Variants in OCA2 observed in about 807,000 individuals in gnomAD.
The protein encoded by OCA2 is OCA2 melanosomal transmembrane protein, also known as P protein.
Under a neutral mutation model 100.2 loss-of-function variants are expected in OCA2, and 77 were observed. The ratio of observed to expected loss-of-function variants is 0.77; its 90% CI spans 0.64 to 0.93. The LOEUF (loss-of-function observed/expected upper bound fraction) is 0.93. OCA2 is among the 40% of genes least tolerant of loss of function. The pLI is 0.00. For missense variants in OCA2, 1,062 were observed against 1,089.1 expected, an observed-to-expected ratio of 0.98 and a Z score of 0.35; for synonymous variants, 432 against 439.2, an observed-to-expected ratio of 0.98 and a Z score of 0.21.
chr15:27,898,362 T>G (rs1395572264), intron 19 of OCA2, among the ~76,000 whole-genome samples: 1 of 152,172 alleles, frequency 6.6e-6, no homozygotes, highest in African/African-American at 2.4e-5. Context: ...GATTAAATTA[T>G]GGGGATGGGA....
At chr15:27,812,858 G>A (rs1326646284) in intron 23 of OCA2, among the ~76,000 whole-genome samples, 1 of 152,042 alleles carries the variant, frequency 6.6e-6, no homozygotes, top group Non-Finnish European at 1.5e-5. Flanking sequence ...CTGTGCCATG[G>A]CCCTCACCCC....
At chr15:27,861,426 T>C (rs2036127384) in intron 21 of OCA2, among the ~76,000 whole-genome samples, 2 of 152,116 alleles carry the variant, frequency 1.3e-5, no homozygotes, top group Admixed American at 1.3e-4. Flanking sequence ...TGGATGGCAC[T>C]TGGAGTAAGT....
chr15:27,881,927 T>G (rs2037035042), intron 19 of OCA2, among the ~76,000 whole-genome samples: 1 of 152,204 alleles, frequency 6.6e-6, no homozygotes, highest in African/African-American at 2.4e-5. Flanking sequence ...AGGGTTTGTT[T>G]GCTCTTGGTT....
chr15:28,038,877 G>A (rs960372579), intron 2 of OCA2, among the ~76,000 whole-genome samples: 1 of 152,146 alleles, frequency 6.6e-6, no homozygotes, highest in Non-Finnish European at 1.5e-5. Context: ...GTGGCAGAAT[G>A]GATTTTAAAA....
intron 18 of OCA2, among the ~76,000 whole-genome samples, chr15:27,931,036 AGAG>A (rs2039229649): frequency 6.6e-6 from 1 of 152,188 alleles, no homozygotes; most frequent in Non-Finnish European, 1.5e-5. Flanking sequence ...TAAGCACTAC[AGAG>A]CTAGCCATCT....
Position 27,962,632 on chromosome 15 carries a change from G to A in OCA2, c.1636+4058C>T, listed in dbSNP as rs559449257. Among the ~76,000 whole-genome samples the A allele has an allele frequency of 3.3e-5, 5 of 152,186 alleles. No homozygotes were observed. The East Asian group carries it at 9.6e-4, about 29-fold the overall frequency. ...ATCGCTCAAAGTTAGTGGTATAATA[G>A]TCACTAAAATCACAAAACAGAATTA... On this transcript the variant is annotated intron_variant, in intron 15 of 23. Coordinates refer to ENST00000354638, the MANE Select transcript of OCA2 (RefSeq NM_000275.3).
intron 23 of OCA2, among the ~76,000 whole-genome samples, chr15:27,796,734 A>G (rs767842181): frequency 1.4e-4 from 21 of 152,224 alleles, no homozygotes; most frequent in Non-Finnish European, 2.6e-4. Context: ...TCCTGGCCCC[A>G]GGTTGGAAGC....
At chr15:28,001,935 G>A (rs2041941108) in intron 9 of OCA2, among the ~76,000 whole-genome samples, 1 of 152,230 alleles carries the variant, frequency 6.6e-6, no homozygotes, top group African/African-American at 2.4e-5. Flanking sequence ...GGAGCCTGGA[G>A]AGGCCGAGAG....
At chr15:28,060,483 T>C (rs550365199) in intron 2 of OCA2, among the ~76,000 whole-genome samples, 2 of 152,206 alleles carry the variant, frequency 1.3e-5, no homozygotes, top group Non-Finnish European at 2.9e-5. Context: ...ATCTCAAAAG[T>C]ATTATTTTTG....
At chr15:28,036,253 T>C (rs1198073076) in intron 2 of OCA2, among the ~76,000 whole-genome samples, 1 of 152,200 alleles carries the variant, frequency 6.6e-6, no homozygotes, top group Non-Finnish European at 1.5e-5. Flanking sequence ...TGAGTCCTGG[T>C]AGATAACTCT....
intron 23 of OCA2, among the ~76,000 whole-genome samples, chr15:27,838,345 T>C (rs2035229991): frequency 6.6e-6 from 1 of 151,872 alleles, no homozygotes; most frequent in African/African-American, 2.4e-5. Context: ...CAAATGAAAA[T>C]GTAATCAGGG....
chr15:27,810,376 A>G (rs2034026652), intron 23 of OCA2, among the ~76,000 whole-genome samples: 1 of 152,240 alleles, frequency 6.6e-6, no homozygotes, highest in Non-Finnish European at 1.5e-5. Flanking sequence ...TCAAAGACTT[A>G]AATCTAAGAT....
chr15:27,811,100 C>T (rs1241523669), intron 23 of OCA2, among the ~76,000 whole-genome samples: 1 of 152,002 alleles, frequency 6.6e-6, no homozygotes, highest in Non-Finnish European at 1.5e-5. Context: ...TTCACAACTG[C>T]AAAGATATGG....
the OCA2 span, among the ~76,000 whole-genome samples, chr15:27,721,494 A>C: frequency 1.3e-5 from 2 of 152,252 alleles, no homozygotes; most frequent in African/African-American, 4.8e-5. Flanking sequence ...GAATTATATC[A>C]TAGAAGAAAA....
rs1181578576 is a variant in OCA2 at position 28,070,329 on chromosome 15, C to T, written c.227+11319G>A. On this transcript the variant is annotated intron_variant, in intron 2 of 23. Transcript: ENST00000354638. ...GGGAGGTGGGGGGGGGTCAGCCCCC[C>T]GCCCGGCCAGCCGCCCCGTCCGGGA... Among the ~76,000 whole-genome samples, 1,016 of 141,316 alleles carry T rather than the reference C, an allele frequency of 7.2e-3. 6 individuals are homozygous for T. Among genetic ancestry groups the T allele is most frequent in the African/African-American group, 0.026 (940 of 36,134 alleles). 92.7% of individuals were successfully genotyped at this position (141,316 alleles called of 152,430 possible). A position where few individuals can be genotyped will look rare whatever the true frequency, so the allele number is the denominator to read the frequency against.
At position 27,824,602 on chromosome 15, in the gene OCA2, C is replaced by CTCTCTCTCTATATA; in HGVS notation, c.2432+20356_2432+20357insTATATAGAGAGAGA. Reference sequence around the variant, plus strand: ...TTTCTCTCTCTCTCTCTCTCTCTCTCTATATATATATATATATATAATATA... The same window carrying CTCTCTCTCTATATA: ...TTTCTCTCTCTCTCTCTCTCTCTCTCTCTCTCTCTATATATATATATATATATATATATAATATA... On this transcript the variant is annotated intron_variant, in intron 23 of 23. Coordinates refer to ENST00000354638, the MANE Select transcript of OCA2 (RefSeq NM_000275.3). Among the ~76,000 whole-genome samples the CTCTCTCTCTATATA allele has an allele frequency of 1.9e-4, 9 of 47,596 alleles. No homozygotes were observed. In the South Asian group the frequency reaches 6.1e-3, roughly 32 times the overall value. 31.2% of individuals were successfully genotyped at this position (47,596 alleles called of 152,430 possible). A position where few individuals can be genotyped will look rare whatever the true frequency, so the allele number is the denominator to read the frequency against.
the OCA2 span, among the ~76,000 whole-genome samples, chr15:27,719,023 CATTGT>C: frequency 2.0e-5 from 3 of 152,312 alleles, no homozygotes; most frequent in East Asian, 1.9e-4. Flanking sequence ...TTGTCATTCA[CATTGT>C]ATTGTATTGG....
At chr15:27,799,751 A>G (rs112585790) in intron 23 of OCA2, among the ~76,000 whole-genome samples, 2 of 151,382 alleles carry the variant, frequency 1.3e-5, no homozygotes, top group Admixed American at 6.6e-5. Flanking sequence ...TCTAAAAAAA[A>G]AAAAAAAAAC....
At chr15:27,724,477 C>T in the OCA2 span, among the ~76,000 whole-genome samples, 3 of 152,134 alleles carry the variant, frequency 2.0e-5, no homozygotes, top group Non-Finnish European at 4.4e-5. Flanking sequence ...CTGATTGCCC[C>T]TTTTAAGACC....
Sources: allele counts gnomAD v4.1 joint callset (sites outside exome capture counted in the v4.1 genomes callset), GRCh38; gene constraint gnomAD v4.1.1; transcripts MANE v1.5; gene names NCBI Gene and HGNC (gene_info 2026-07-23, HGNC 2026-07-21).